The following E2F5 variants were observed in gnomAD, a reference collection of about 807,000 sequenced individuals.
E2F5 encodes the protein transcription factor E2F5.
In E2F5, 23 loss-of-function variants were observed where a neutral mutation model predicts 39.1. That is an observed-to-expected ratio of 0.59 (90% CI 0.42 to 0.83). The LOEUF is 0.83. Among genes scored for constraint, E2F5 ranks in the 40% least tolerant of loss-of-function variants. E2F5 has a pLI of 0.00. For synonymous variants in E2F5, 145 were observed against 157.8 expected (o/e 0.92, Z 0.61); for missense variants, 365 against 406.7 (o/e 0.90, Z 0.88).
intron 1 of E2F5, among the ~76,000 whole-genome samples, chr8:85,186,414 GT>G (rs1812334375): frequency 6.6e-6 from 1 of 151,938 alleles, no homozygotes; most frequent in Non-Finnish European, 1.5e-5. Context: ...TGGGTGACGA[GT>G]TGATGGTTGC....
intron 1 of E2F5, among the ~76,000 whole-genome samples, chr8:85,192,130 A>G (rs376288113): frequency 1.6e-4 from 25 of 152,196 alleles, no homozygotes; most frequent in South Asian, 6.2e-4. Context: ...AGTGGAAGTG[A>G]CAGAACCTGG....
intron 1 of E2F5, among the ~76,000 whole-genome samples, chr8:85,190,869 GGAA>G (rs1156928647): frequency 1.3e-5 from 2 of 152,080 alleles, no homozygotes; most frequent in African/African-American, 4.8e-5. Context: ...TCTTCAAAGT[GGAA>G]GAAGGAAGAA....
At chr8:85,185,741 A>G (rs1317120222) in intron 1 of E2F5, among the ~76,000 whole-genome samples, 1 of 152,258 alleles carries the variant, frequency 6.6e-6, no homozygotes, top group African/African-American at 2.4e-5. Context: ...TTATGCAGCC[A>G]ACAAACATAT....
At chr8:85,201,989 T>C (rs1812706990) in intron 1 of E2F5, 158 bp from the exon 2 acceptor site, 1 of 642,906 alleles carries the variant, frequency 1.6e-6, no homozygotes, top group Non-Finnish European at 2.7e-6. Context: ...ATTTGCAGTG[T>C]TTGGGAGATG....
intron 1 of E2F5, among the ~76,000 whole-genome samples, chr8:85,186,725 T>G (rs982230914): frequency 1.4e-5 from 2 of 147,340 alleles, no homozygotes; most frequent in African/African-American, 5.0e-5. Flanking sequence ...AAGGTGTATA[T>G]ATGATATATA....
At chr8:85,201,472 T>C (rs1411081883) in intron 1 of E2F5, among the ~76,000 whole-genome samples, 1 of 152,228 alleles carries the variant, frequency 6.6e-6, no homozygotes, top group Non-Finnish European at 1.5e-5. Context: ...TTTGTTGAAT[T>C]CATAACATGA....
chr8:85,214,503 T>C lies in E2F5; in HGVS notation c.*641T>C. 1 of 1,169,388 alleles carries C rather than the reference T, an allele frequency of 8.6e-7. No homozygotes were observed. The highest frequency in any genetic ancestry group is 1.3e-6 in the Non-Finnish European group (1 of 792,880). The allele number at this position is 1,169,388 out of a possible 1,614,324, so 72.4% of individuals were successfully genotyped here. ...TTAACAAGATTTTTAAAAATAAAATTGTATAAAACATTCAATTTATTGGTC... is the reference window on the plus strand; with the variant it reads ...TTAACAAGATTTTTAAAAATAAAATCGTATAAAACATTCAATTTATTGGTC... On this transcript the variant is annotated 3_prime_UTR_variant, in exon 8 of 8. Coordinates refer to ENST00000416274, the MANE Select transcript of E2F5 (RefSeq NM_001951.4).
At chr8:85,211,643 GT>G (rs950695727) in intron 6 of E2F5, among the ~76,000 whole-genome samples, 624 of 52,202 alleles carry the variant, frequency 0.012, 1 homozygote, top group African/African-American at 0.037. Context: ...GTTTGTTGTT[GT>G]TTTTTTTTTT....
intron 1 of E2F5, among the ~76,000 whole-genome samples, chr8:85,187,297 T>C (rs940316382): frequency 6.6e-6 from 1 of 152,158 alleles, no homozygotes; most frequent in African/African-American, 2.4e-5. Context: ...GTTGGATGGA[T>C]GTTAGGTTCA....
rs11993595 is a variant in E2F5 at position 85,196,301 on chromosome 8, G to C, written c.235-5846G>C. Among the ~76,000 whole-genome samples the C allele has an allele frequency of 5.7e-3, 863 of 152,212 alleles. 10 individuals are homozygous for C. The highest frequency in any genetic ancestry group is 0.02 in the African/African-American group (812 of 41,546). On this transcript the variant is annotated intron_variant, in intron 1 of 7. Transcript: ENST00000416274. ...TATTTCCTGTTTGCTCCCACCTTAAGTAATCTCTCATTTTTCTATCTCTTA... is the reference window on the plus strand; with the variant it reads ...TATTTCCTGTTTGCTCCCACCTTAACTAATCTCTCATTTTTCTATCTCTTA...
chr8:85,212,109 T>C, intron 6 of E2F5, 48 bp from the exon 7 acceptor site: 1 of 1,436,756 alleles, frequency 7.0e-7, no homozygotes, highest in South Asian at 1.2e-5. Context: ...AATATGAGTA[T>C]CTTTTACTGT....
chr8:85,201,899 T>C, intron 1 of E2F5: 1 of 490,018 alleles, frequency 2.0e-6, no homozygotes, highest in South Asian at 2.6e-5. Context: ...TCTTTTATTT[T>C]TGCAGGCTTT....
chr8:85,183,177 G>A (rs1437172908), intron 1 of E2F5, among the ~76,000 whole-genome samples: 5 of 152,144 alleles, frequency 3.3e-5, no homozygotes, highest in Admixed American at 6.5e-5. Flanking sequence ...GTGTGAACCC[G>A]GGAGGCGGAG....
intron 7 of E2F5, 91 bp from the exon 8 acceptor site, chr8:85,213,662 T>A (rs1813008366): frequency 3.0e-6 from 2 of 656,816 alleles, no homozygotes; most frequent in Non-Finnish European, 5.4e-6. Context: ...AAGACTTTAA[T>A]TTGGAATGAT....
At chr8:85,190,065 C>G (rs1471768646) in intron 1 of E2F5, among the ~76,000 whole-genome samples, 1 of 152,174 alleles carries the variant, frequency 6.6e-6, no homozygotes. Flanking sequence ...GTTCAGACAC[C>G]TACAAGATCC....
chr8:85,187,039 A>T (rs1812359127), intron 1 of E2F5, among the ~76,000 whole-genome samples: 2 of 151,436 alleles, frequency 1.3e-5, no homozygotes, highest in South Asian at 4.2e-4. Flanking sequence ...ATTTGTTAAG[A>T]TATTTTTCAG....
At chr8:85,186,348 G>A (rs1290968930) in intron 1 of E2F5, among the ~76,000 whole-genome samples, 3 of 151,958 alleles carry the variant, frequency 2.0e-5, no homozygotes, top group Non-Finnish European at 4.4e-5. Context: ...ACACAGTGGG[G>A]CCTGTTCAGG....
intron 5 of E2F5, among the ~76,000 whole-genome samples, chr8:85,208,330 AAAC>A (rs1211355118): frequency 4.6e-5 from 7 of 152,286 alleles, no homozygotes; most frequent in Admixed American, 2.0e-4. Context: ...CTCTGTATCA[AAAC>A]AACAACAACA....
intron 1 of E2F5, among the ~76,000 whole-genome samples, chr8:85,186,025 G>A (rs1023529759): frequency 6.6e-6 from 1 of 152,110 alleles, no homozygotes; most frequent in African/African-American, 2.4e-5. Context: ...ACCCAAAGGA[G>A]TATAAATCAT....
Sources: allele counts gnomAD v4.1 joint callset (sites outside exome capture counted in the v4.1 genomes callset), GRCh38; gene constraint gnomAD v4.1.1; transcripts MANE v1.5; gene names NCBI Gene and HGNC (gene_info 2026-07-23, HGNC 2026-07-21).